Variants in CECR2 observed in about 807,000 individuals in gnomAD.
The protein encoded by CECR2 is CECR2 histone acetyl-lysine reader.
Under a neutral mutation model 154.5 loss-of-function variants are expected in CECR2, and 30 were observed. The ratio of observed to expected loss-of-function variants is 0.19; its 90% CI spans 0.15 to 0.26. The LOEUF (loss-of-function observed/expected upper bound fraction) is 0.26. CECR2 is among the 10% of genes least tolerant of loss of function. CECR2 has a pLI of 1.00. For synonymous variants in CECR2, 725 were observed against 683.7 expected (o/e 1.06, Z -0.94); for missense variants, 1,743 against 1,829.3 (o/e 0.95, Z 0.86).
chr22:17,467,904 A>G (rs539085608), intron 1 of CECR2, among the ~76,000 whole-genome samples: 80 of 152,280 alleles, frequency 5.3e-4, no homozygotes, highest in Admixed American at 1.1e-3. Context: ...AATTCACACG[A>G]TCTTTTGAGA....
intron 2 of CECR2, among the ~76,000 whole-genome samples, chr22:17,494,972 C>T (rs1203088831): frequency 2.0e-5 from 3 of 152,168 alleles, no homozygotes; most frequent in Admixed American, 6.5e-5. Flanking sequence ...GGATTACAGG[C>T]GTGAGCCACC....
intron 14 of CECR2, 69 bp from the exon 15 acceptor site, chr22:17,541,770 A>T (rs2056526082): frequency 1.3e-6 from 2 of 1,518,756 alleles, no homozygotes; most frequent in South Asian, 2.6e-5. Flanking sequence ...CTTCAGGAAA[A>T]CCCTTGTTGT....
chr22:17,546,614 CT>C (rs1275897132), intron 16 of CECR2, among the ~76,000 whole-genome samples: 1 of 152,036 alleles, frequency 6.6e-6, no homozygotes, highest in Non-Finnish European at 1.5e-5. Flanking sequence ...TTAGGGCCAG[CT>C]TCAAGTAGCC....
chr22:17,524,240 C>T lies in CECR2; in HGVS notation c.1077C>T (p.Arg359=), dbSNP rs759879618. ...QEQMLKEERK[R]ELEEKVKAVE... is the part of the protein sequence containing the mutation. ...AGATGCTAAAGGAAGAGAGGAAACGCGAGTTGGAGGAGAAGGTCAAGGCAG... is the reference window on the plus strand; with the variant it reads ...AGATGCTAAAGGAAGAGAGGAAACGTGAGTTGGAGGAGAAGGTCAAGGCAG... Residue 359 remains arginine (R), a synonymous_variant, in exon 9 of 19, where the codon CGC becomes CGT. Coordinates refer to ENST00000262608, the MANE Select transcript of CECR2 (RefSeq NM_001290047.2). The T allele has an allele frequency of 8.7e-6, 14 of 1,609,390 alleles. No homozygotes were observed. The highest frequency in any genetic ancestry group is 2.2e-5 in the East Asian group (1 of 44,758).
At chr22:17,378,283 G>GT (rs2063144041) in intron 1 of CECR2, among the ~76,000 whole-genome samples, 1 of 109,280 alleles carries the variant, frequency 9.2e-6, no homozygotes, top group South Asian at 2.9e-4. Flanking sequence ...GCGCTGGGCT[G>GT]TTTTTTTGTT....
chr22:17,492,114 C>G (rs986460554), intron 2 of CECR2, among the ~76,000 whole-genome samples: 12 of 152,308 alleles, frequency 7.9e-5, no homozygotes, highest in Non-Finnish European at 1.6e-4. Flanking sequence ...TATCTCAATT[C>G]AGTACTTATG....
In CECR2 at chr22:17,428,503, T is replaced by C. The variant is rs200839794; in HGVS notation, c.127-49085T>C. 3.3e-5 allele frequency: 5 copies of C among 151,706 alleles called. No individual in the cohort carries two copies. The South Asian group carries it at 1.0e-3, about 31-fold the overall frequency. The allele number at this position is 151,706 out of a possible 1,614,324, so 9.4% of individuals were successfully genotyped here. Reference sequence around the variant, plus strand: ...TGGAATATCTTCATAAAGAGAAACTTATCAAACATTTGGTTATCCTGGATA... The same window carrying C: ...TGGAATATCTTCATAAAGAGAAACTCATCAAACATTTGGTTATCCTGGATA... On this transcript the variant is annotated intron_variant, in intron 1 of 18. Transcript: ENST00000262608.
chr22:17,523,011 A>C (rs695699), intron 8 of CECR2, among the ~76,000 whole-genome samples: 2 of 110,254 alleles, frequency 1.8e-5, no homozygotes, highest in Non-Finnish European at 4.4e-5. Flanking sequence ...TCTCGGGGGG[A>C]AAAAAAAAAG....
chr22:17,534,053 G>A (rs1027531276), intron 9 of CECR2, among the ~76,000 whole-genome samples: 15 of 151,928 alleles, frequency 9.9e-5, no homozygotes, highest in African/African-American at 3.6e-4. Context: ...AATACGATAG[G>A]GTCAATCATT....
intron 1 of CECR2, among the ~76,000 whole-genome samples, chr22:17,395,189 T>A (rs1473106111): frequency 6.6e-6 from 1 of 152,162 alleles, no homozygotes; most frequent in Non-Finnish European, 1.5e-5. Context: ...GAATTTGCTA[T>A]CCATAGAATC....
At position 17,394,834 on chromosome 22, in the gene CECR2, C is replaced by G. The variant is rs950208793; in HGVS notation, c.126+24925C>G. Among the ~76,000 whole-genome samples, 6 of 152,132 alleles carry G rather than the reference C, an allele frequency of 3.9e-5. No homozygotes were observed. The East Asian group carries it at 5.8e-4, about 15-fold the overall frequency. The stretch of plus-strand genomic sequence containing the variant: ...TTTCTTTCAACAATGTTTTATACTT[C>G]TCCAAGTATAGGTTTTTTTGCTGTT... On this transcript the variant is annotated intron_variant, in intron 1 of 18. Coordinates refer to ENST00000262608, the MANE Select transcript of CECR2 (RefSeq NM_001290047.2).
At chr22:17,509,911 T>A (rs1008259435) in intron 7 of CECR2, among the ~76,000 whole-genome samples, 1 of 152,222 alleles carries the variant, frequency 6.6e-6, no homozygotes, top group South Asian at 2.1e-4. Context: ...ATGATCGTCC[T>A]CTAAACTTTG....
At chr22:17,417,487 A>T (rs4819452) in intron 1 of CECR2, among the ~76,000 whole-genome samples, 26,283 of 151,922 alleles carry the variant, frequency 0.17, 2,778 homozygotes, top group African/African-American at 0.3. Context: ...CCTGAAAAAA[A>T]ATTTTTTTTA....
chr22:17,424,925 A>G (rs1457917712), intron 1 of CECR2: 1 of 152,172 alleles, frequency 6.6e-6, no homozygotes, highest in East Asian at 1.9e-4. Context: ...GCTTTTTACT[A>G]GGTGTTTTGC....
chr22:17,502,875 C>T (rs546492571), intron 5 of CECR2, among the ~76,000 whole-genome samples: 2 of 152,268 alleles, frequency 1.3e-5, no homozygotes, highest in East Asian at 3.9e-4. Context: ...CATAGGGTAG[C>T]TGTATGTCAG....
chr22:17,518,674 T>C, intron 8 of CECR2: 2 of 444,818 alleles, frequency 4.5e-6, no homozygotes, highest in South Asian at 3.5e-5. Context: ...TTCCAGGTCT[T>C]ATTGATGAAT....
intron 1 of CECR2, among the ~76,000 whole-genome samples, chr22:17,401,846 T>G (rs113361070): frequency 9.9e-5 from 9 of 91,136 alleles, no homozygotes; most frequent in South Asian, 7.8e-4. Flanking sequence ...CCGCCCCCGC[T>G]GCCTTTTTTT....
rs138814287 is a variant in CECR2 at position 17,486,139 on chromosome 22, C to T, written c.221+8457C>T. Among the ~76,000 whole-genome samples, 166 of 152,218 alleles carry T rather than the reference C, an allele frequency of 1.1e-3. 1 individual carries two copies. Among genetic ancestry groups the T allele is most frequent in the African/African-American group, 3.8e-3 (156 of 41,528 alleles). The stretch of plus-strand genomic sequence containing the variant: ...AGATGACAGGCAGGCACCACCGTGC[C>T]CATCTAAAAGGGTTTTTAAATCCTA... On this transcript the variant is annotated intron_variant, in intron 2 of 18. Transcript: ENST00000262608.
At chr22:17,493,349 G>A (rs1049244193) in intron 2 of CECR2, among the ~76,000 whole-genome samples, 7 of 152,152 alleles carry the variant, frequency 4.6e-5, no homozygotes, top group South Asian at 2.1e-4. Flanking sequence ...AAAGTATGTA[G>A]TCTTTATCAA....
Sources: allele counts gnomAD v4.1 joint callset (sites outside exome capture counted in the v4.1 genomes callset), GRCh38; gene constraint gnomAD v4.1.1; transcripts MANE v1.5; gene names NCBI Gene and HGNC (gene_info 2026-07-23, HGNC 2026-07-21).